The following MACROD2 variants were observed in gnomAD, a reference collection of about 807,000 sequenced individuals.
The protein encoded by MACROD2 is mono-ADP ribosylhydrolase 2, also known as ADP-ribose glycohydrolase MACROD2.
MACROD2 carries 36 observed loss-of-function variants against 70.4 expected under a neutral mutation model. The ratio of observed to expected loss-of-function variants is 0.51; its 90% CI spans 0.39 to 0.68. MACROD2 has a LOEUF of 0.68. Among genes scored for constraint, MACROD2 ranks in the 30% least tolerant of loss-of-function variants. The probability of loss-of-function intolerance (pLI) is 0.00; values close to 1 mark genes in which losing one functional copy is unlikely to be tolerated. For missense variants in MACROD2, 496 were observed against 538.4 expected (o/e 0.92, Z 0.78); for synonymous variants, 172 against 178.8 (o/e 0.96, Z 0.30).
At chr20:15,959,082 T>C (rs1238660643) in intron 12 of MACROD2, among the ~76,000 whole-genome samples, 1 of 152,232 alleles carries the variant, frequency 6.6e-6, no homozygotes. Flanking sequence ...TAGTTAAGCC[T>C]ACTCTAATAA....
intron 5 of MACROD2, among the ~76,000 whole-genome samples, chr20:15,132,439 T>C (rs1421251080): frequency 6.6e-6 from 1 of 152,034 alleles, no homozygotes; most frequent in Non-Finnish European, 1.5e-5. Context: ...GATGAAAGAA[T>C]GAATTATGGC....
chr20:14,485,701 C>CAA (rs1276490399), intron 3 of MACROD2, among the ~76,000 whole-genome samples: 4,043 of 60,588 alleles, frequency 0.067, 306 homozygotes, highest in African/African-American at 0.22. Context: ...GACTCCGTCT[C>CAA]AAAAAAAAAA....
chr20:14,949,052 G>T (rs1170749656), intron 5 of MACROD2, among the ~76,000 whole-genome samples: 3 of 152,056 alleles, frequency 2.0e-5, no homozygotes, highest in Non-Finnish European at 2.9e-5. Flanking sequence ...AGTTATTTTT[G>T]GAAAATATGT....
intron 3 of MACROD2, among the ~76,000 whole-genome samples, chr20:14,418,281 C>G (rs1568603156): frequency 6.6e-6 from 1 of 152,120 alleles, no homozygotes; most frequent in East Asian, 1.9e-4. Flanking sequence ...ATAGCACAGG[C>G]ATTATTTCAA....
At chr20:14,025,756 A>G (rs1261255541) in intron 2 of MACROD2, among the ~76,000 whole-genome samples, 1 of 152,106 alleles carries the variant, frequency 6.6e-6, no homozygotes, top group East Asian at 1.9e-4. Flanking sequence ...GGAGTGTTTT[A>G]CTTTCAATTA....
chr20:14,775,629 G>T (rs1279256641), intron 5 of MACROD2, among the ~76,000 whole-genome samples: 1 of 151,846 alleles, frequency 6.6e-6, no homozygotes, highest in East Asian at 1.9e-4. Flanking sequence ...TCAACACTGG[G>T]GGTCACATTT....
chr20:14,883,581 C>CAGA (rs2073635663), intron 5 of MACROD2, among the ~76,000 whole-genome samples: 2 of 137,604 alleles, frequency 1.5e-5, no homozygotes, highest in African/African-American at 2.8e-5. Flanking sequence ...AATGAACTGT[C>CAGA]TATATCTGAC....
chr20:15,880,237 C>T (rs1214158267), intron 9 of MACROD2, among the ~76,000 whole-genome samples: 1 of 152,086 alleles, frequency 6.6e-6, no homozygotes, highest in African/African-American at 2.4e-5. Context: ...CTAGCCAGAA[C>T]AGATCGGGTT....
intron 3 of MACROD2, among the ~76,000 whole-genome samples, chr20:14,363,538 G>A (rs935928851): frequency 7.9e-5 from 12 of 152,126 alleles, no homozygotes; most frequent in Middle Eastern, 3.4e-3. Flanking sequence ...ATAAGATTAG[G>A]GGCCGGGCGC....
chr20:15,319,501 G>A (rs1043057604), intron 6 of MACROD2, among the ~76,000 whole-genome samples: 5 of 152,202 alleles, frequency 3.3e-5, no homozygotes, highest in African/African-American at 1.2e-4. Flanking sequence ...GCAAGTGTTG[G>A]TGAAGATGTG....
At chr20:15,615,583 C>A (rs2049026049) in intron 8 of MACROD2, among the ~76,000 whole-genome samples, 3 of 152,044 alleles carry the variant, frequency 2.0e-5, no homozygotes, top group Admixed American at 6.6e-5. Context: ...GCACAAGAAC[C>A]CAGACCAGTG....
At chr20:15,357,305 T>G (rs143703579) in intron 6 of MACROD2, among the ~76,000 whole-genome samples, 240 of 152,320 alleles carry the variant, frequency 1.6e-3, no homozygotes, top group African/African-American at 5.5e-3. Context: ...TTTGCTTGAC[T>G]GTATGCTATA....
intron 5 of MACROD2, among the ~76,000 whole-genome samples, chr20:14,821,104 A>T (rs1265152619): frequency 1.3e-5 from 2 of 152,170 alleles, no homozygotes; most frequent in African/African-American, 4.8e-5. Flanking sequence ...GCTAAGACTC[A>T]TAAATAGATG....
intron 7 of MACROD2, among the ~76,000 whole-genome samples, chr20:15,499,472 A>G (rs2047338239): frequency 6.6e-6 from 1 of 152,202 alleles, no homozygotes; most frequent in Admixed American, 6.5e-5. Context: ...ATGAAAGTAT[A>G]TTGTAATCTA....
chr20:14,158,170 G>C (rs145366551), intron 3 of MACROD2, among the ~76,000 whole-genome samples: 2 of 152,160 alleles, frequency 1.3e-5, no homozygotes, highest in East Asian at 3.9e-4. Flanking sequence ...ACATTTCCCT[G>C]ATGATTAGTG....
At chr20:14,222,107 A>C (rs1028258372) in intron 3 of MACROD2, among the ~76,000 whole-genome samples, 2 of 152,208 alleles carry the variant, frequency 1.3e-5, no homozygotes, top group Non-Finnish European at 2.9e-5. Context: ...TAGAACCATC[A>C]TTCAATCTAG....
At chr20:14,402,427 G>T (rs1314599012) in intron 3 of MACROD2, among the ~76,000 whole-genome samples, 4 of 152,046 alleles carry the variant, frequency 2.6e-5, no homozygotes, top group Non-Finnish European at 5.9e-5. Context: ...TCTAGCTTGG[G>T]TTTTCTTAGA....
At chr20:15,047,349 G>A (rs933616713) in intron 5 of MACROD2, among the ~76,000 whole-genome samples, 1 of 152,104 alleles carries the variant, frequency 6.6e-6, no homozygotes, top group Non-Finnish European at 1.5e-5. Context: ...CTCAACTTCA[G>A]TGTTTCCTCC....
intron 5 of MACROD2, among the ~76,000 whole-genome samples, chr20:14,855,617 T>G (rs1420115272): frequency 4.0e-5 from 6 of 148,184 alleles, no homozygotes; most frequent in African/African-American, 2.5e-5. Context: ...TTTTTTTTTT[T>G]TTTTTTTTTT....
Sources: gnomAD v4.1 joint callset for allele counts (sites outside exome capture counted in the v4.1 genomes callset) on GRCh38, gnomAD v4.1.1 for gene constraint, MANE v1.5 for transcripts, NCBI Gene and HGNC (gene_info 2026-07-23, HGNC 2026-07-21) for gene names.